The following UBR4 variants were observed in gnomAD, a reference collection of about 807,000 sequenced individuals.
UBR4 encodes the protein ubiquitin protein ligase E3 component n-recognin 4.
Under a neutral mutation model 575.6 loss-of-function variants are expected in UBR4, and 124 were observed. The ratio of observed to expected loss-of-function variants is 0.22; its 90% CI spans 0.19 to 0.25. UBR4 has a LOEUF of 0.25. Ranked by LOEUF, UBR4 falls within the 10% of genes least tolerant of loss-of-function variation. The pLI is 1.00. For synonymous variants in UBR4, 2,455 were observed against 2,473.7 expected (o/e 0.99, Z 0.22); for missense variants, 4,818 against 6,478.8 (o/e 0.74, Z 8.80).
At position 19,114,086 on chromosome 1, in the gene UBR4, CAG is replaced by C. The variant is rs1430806331; in HGVS notation, c.11203-18_11203-17del. 3 of 1,605,468 alleles carry C rather than the reference CAG, an allele frequency of 1.9e-6. No individual in the cohort carries two copies. The highest frequency in any genetic ancestry group is 2.6e-6 in the Non-Finnish European group (3 of 1,173,078). ...TGGATACAGCCTAGACAGGAAAAGACAGGGACTGAGTGAAGGCTTTTTGGCTG... is the reference window on the plus strand; with the variant it reads ...TGGATACAGCCTAGACAGGAAAAGACGGACTGAGTGAAGGCTTTTTGGCTG... On this transcript the variant is annotated splice_polypyrimidine_tract_variant and intron_variant, in intron 75 of 105. Transcript: ENST00000375254.
At chr1:19,109,512 A>C (rs989819993) in intron 81 of UBR4, among the ~76,000 whole-genome samples, 2 of 152,254 alleles carry the variant, frequency 1.3e-5, no homozygotes, top group African/African-American at 4.8e-5. Context: ...GAAGGAAAAC[A>C]TTCTAGGCAA....
At chr1:19,154,867 C>T in intron 44 of UBR4, 51 bp downstream of exon 44, 1 of 1,608,568 alleles carries the variant, frequency 6.2e-7, no homozygotes, top group Non-Finnish European at 8.5e-7. Flanking sequence ...GTGGAGATCC[C>T]ACATTGAATG....
chr1:19,141,196 C>T, intron 57 of UBR4, 151 bp downstream of exon 57: 1 of 1,079,756 alleles, frequency 9.3e-7, no homozygotes, highest in Non-Finnish European at 1.3e-6. Flanking sequence ...ATCCCTCTCA[C>T]TCTCCACCTG....
At chr1:19,150,474 G>T in intron 49 of UBR4, 103 bp downstream of exon 49, 1 of 1,327,728 alleles carries the variant, frequency 7.5e-7, no homozygotes, top group Non-Finnish European at 1.1e-6. Flanking sequence ...TTCCAGGCTA[G>T]CCTTGAGATG....
intron 97 of UBR4, among the ~76,000 whole-genome samples, chr1:19,091,045 G>A (rs372959764): frequency 4.0e-5 from 6 of 151,240 alleles, no homozygotes; most frequent in Admixed American, 6.6e-5. Flanking sequence ...GCAGTGAGCC[G>A]AGACCATGCC....
intron 73 of UBR4, among the ~76,000 whole-genome samples, chr1:19,116,049 G>C (rs1232921331): frequency 6.6e-6 from 1 of 152,116 alleles, no homozygotes; most frequent in Admixed American, 6.5e-5. Flanking sequence ...AGAAAATCAG[G>C]GTCTGAACCA....
At chr1:19,206,188 G>T (rs553890542) in intron 1 of UBR4, among the ~76,000 whole-genome samples, 1 of 152,160 alleles carries the variant, frequency 6.6e-6, no homozygotes, top group African/African-American at 2.4e-5. Flanking sequence ...AGCTGGGCCC[G>T]GTGGTGGGAG....
chr1:19,184,238 C>CT (rs1295487592), intron 15 of UBR4, 63 bp from the exon 16 acceptor site: 29 of 1,530,298 alleles, frequency 1.9e-5, no homozygotes, highest in Non-Finnish European at 2.5e-5. Context: ...CCTATAAACT[C>CT]TGATTACAAA....
chr1:19,166,714 C>CAAAAAAAAAAAAAA (rs535369262), intron 29 of UBR4, among the ~76,000 whole-genome samples: 1 of 73,708 alleles, frequency 1.4e-5, no homozygotes, highest in African/African-American at 6.6e-5. Flanking sequence ...CCATCTCTAC[C>CAAAAAAAAAAAAAA]AAAAAAAAAA....
At position 19,179,175 on chromosome 1, in the gene UBR4, G is replaced by A. The variant is rs1273404672; in HGVS notation, c.2230C>T (p.Pro744Ser). 4 of 1,593,466 alleles carry A rather than the reference G, an allele frequency of 2.5e-6. No homozygotes were observed. Among genetic ancestry groups the A allele is most frequent in the Non-Finnish European group, 3.4e-6 (4 of 1,174,966 alleles). ...TGAGGGTGAATGTACAAGGGCCAAG[G>A]GCCCTCAGAAAAAGGAGCCACTCCT... ...QLGVAPFSEG[P>S]WPLYIHPQSL... The change falls in exon 18 of 106, where the codon CCT becomes TCT. Residue 744 changes from proline to serine, a missense_variant. Pro to Ser is a moderately conservative substitution (Grantham distance 74). Coordinates refer to ENST00000375254, the MANE Select transcript of UBR4 (RefSeq NM_020765.3).
intron 60 of UBR4, among the ~76,000 whole-genome samples, chr1:19,132,083 C>T (rs770084890): frequency 2.0e-5 from 3 of 152,144 alleles, no homozygotes; most frequent in Admixed American, 1.3e-4. Context: ...GAAAATACAG[C>T]ATTATCAAAA....
At chr1:19,162,358 T>TCACAGGAGGC (rs2087523946) in intron 35 of UBR4, 62 bp downstream of exon 35, 1 of 1,539,576 alleles carries the variant, frequency 6.5e-7, no homozygotes, top group Non-Finnish European at 8.8e-7. Context: ...AGCCAAAAGC[T>TCACAGGAGGC]TGGTACCATG....
intron 105 of UBR4, 148 bp downstream of exon 105, chr1:19,076,592 A>G: frequency 9.3e-7 from 1 of 1,073,196 alleles, no homozygotes; most frequent in African/African-American, 1.6e-5. Flanking sequence ...CTATTTACGC[A>G]TCTTTCCCAG....
chr1:19,190,312 A>AAAAAAAAAAAATATATATATATATAT, intron 11 of UBR4, among the ~76,000 whole-genome samples: 2 of 79,922 alleles, frequency 2.5e-5, no homozygotes, highest in African/African-American at 1.1e-4. Context: ...AAAAAAAAAA[A>AAAAAAAAAAAATATATATATATATAT]ATATATATAT....
chr1:19,171,379 G>C (rs1017068811), intron 25 of UBR4, among the ~76,000 whole-genome samples: 8 of 152,074 alleles, frequency 5.3e-5, no homozygotes, highest in Non-Finnish European at 7.4e-5. Context: ...CTAGCACCTA[G>C]AAAAGTACCT....
In UBR4 at chr1:19,152,607, A is replaced by G; in HGVS notation, c.6833-131T>C. The G allele has an allele frequency of 1.7e-6, 2 of 1,211,626 alleles. No individual in the cohort carries two copies. The highest frequency in any genetic ancestry group is 2.3e-6 in the Non-Finnish European group (2 of 862,318). The allele number at this position is 1,211,626 out of a possible 1,614,324, so 75.1% of individuals were successfully genotyped here. ...GCAAACTCTGGATTATAACATTTGC[A>G]TCGGCATGATGCCTACATGTGGTTA... On this transcript the variant is annotated intron_variant, in intron 46 of 105. Transcript: ENST00000375254. The surrounding 1 kb of genome is among the most constrained non-coding windows in gnomAD (Gnocchi z 4.4).
intron 8 of UBR4, among the ~76,000 whole-genome samples, chr1:19,194,663 G>A (rs144155218): frequency 0.042 from 6,383 of 152,030 alleles, 154 homozygotes; most frequent in Middle Eastern, 0.082. Flanking sequence ...TTAGCCAGGC[G>A]AAGTGGCAGG....
chr1:19,163,043 T>C (rs1177957891), intron 34 of UBR4, among the ~76,000 whole-genome samples: 1 of 152,200 alleles, frequency 6.6e-6, no homozygotes, highest in Non-Finnish European at 1.5e-5. Flanking sequence ...AGGAGAGGAA[T>C]ACCTTCAGAA....
chr1:19,182,326 G>A (rs1557942055), intron 17 of UBR4, among the ~76,000 whole-genome samples: 1 of 145,994 alleles, frequency 6.8e-6, no homozygotes, highest in Non-Finnish European at 1.5e-5. Context: ...TAGAATTGCT[G>A]GATCATATAG....
Sources: gnomAD v4.1 joint callset for allele counts (sites outside exome capture counted in the v4.1 genomes callset) on GRCh38, gnomAD v4.1.1 for gene constraint, Gnocchi (gnomAD v3.1) non-coding constraint, MANE v1.5 for transcripts, NCBI Gene and HGNC (gene_info 2026-07-23, HGNC 2026-07-21) for gene names.